PCDHGA4: variants seen among roughly 807,000 people sequenced by gnomAD.
The protein encoded by PCDHGA4 is protocadherin gamma subfamily A, 4, also known as protocadherin gamma-A4.
A neutral mutation model predicts 54.6 loss-of-function variants in PCDHGA4; 38 were observed. The ratio of observed to expected loss-of-function variants is 0.70; its 90% CI spans 0.54 to 0.91. PCDHGA4 has a LOEUF of 0.91. PCDHGA4 is among the 40% of genes least tolerant of loss of function. PCDHGA4 has a pLI of 0.00. For missense variants in PCDHGA4, 1,298 were observed against 1,220.9 expected (o/e 1.06, Z -0.94); for synonymous variants, 511 against 512.9 (o/e 1.00, Z 0.05).
At chr5:141,375,391 A>C in intron 1 of PCDHGA4, 1 of 1,613,938 alleles carries the variant, frequency 6.2e-7, no homozygotes, top group Non-Finnish European at 8.5e-7. Flanking sequence ...CTACAGAAAC[A>C]ATCATCTCTC....
At chr5:141,409,614 T>C in intron 1 of PCDHGA4, 1 of 1,613,880 alleles carries the variant, frequency 6.2e-7, no homozygotes, top group Non-Finnish European at 8.5e-7. Flanking sequence ...GGAGCCTCCA[T>C]TGCGCAAGTG....
intron 1 of PCDHGA4, chr5:141,371,174 C>A: frequency 6.2e-7 from 1 of 1,613,994 alleles, no homozygotes; most frequent in South Asian, 1.1e-5. Context: ...CTGGCTCCTC[C>A]GTATTAAAAG....
At chr5:141,404,819 A>G in intron 1 of PCDHGA4, 1 of 1,608,430 alleles carries the variant, frequency 6.2e-7, no homozygotes, top group South Asian at 1.1e-5. Flanking sequence ...GGGGCTGCAC[A>G]CAGGTGAAGT....
chr5:141,399,691 C>T (rs2093867392), intron 1 of PCDHGA4: 1 of 1,613,362 alleles, frequency 6.2e-7, no homozygotes, highest in Admixed American at 1.7e-5. Flanking sequence ...CGAGCAGCTG[C>T]GCACCTTCGA....
intron 1 of PCDHGA4, chr5:141,374,632 A>T: frequency 1.2e-6 from 2 of 1,613,162 alleles, no homozygotes; most frequent in Non-Finnish European, 1.7e-6. Context: ...TGGACGTGCA[A>T]AGCGAAGCCC....
At position 141,476,746 on chromosome 5, in the gene PCDHGA4, C is replaced by A; in HGVS notation, c.2515-18061C>A. 1 of 1,614,068 alleles carries A rather than the reference C, an allele frequency of 6.2e-7. No homozygotes were observed. On this transcript the variant is annotated intron_variant, in intron 1 of 3. Transcript: ENST00000571252. The surrounding 1 kb of genome is among the most constrained non-coding windows in gnomAD (Gnocchi z 7.6). ...TGGACCGAGAACGGGAGCCTAGTCT[C>A]CAGTTAGTGCTGACGGCGTTGGACG...
chr5:141,460,995 A>ATG lies in PCDHGA4; in HGVS notation c.2515-33808_2515-33807dup, dbSNP rs1561986931. Among the ~76,000 whole-genome samples the ATG allele has an allele frequency of 5.3e-5, 8 of 150,188 alleles. No homozygotes were observed. The East Asian group carries it at 1.4e-3, about 26-fold the overall frequency. On this transcript the variant is annotated intron_variant, in intron 1 of 3. Transcript: ENST00000571252. ...TGTGTGTGTGTGTGTATATATATAT[A>ATG]TGTGTATATATATATACCACATTTT...
chr5:141,447,538 T>C (rs954291961), intron 1 of PCDHGA4, among the ~76,000 whole-genome samples: 4 of 152,204 alleles, frequency 2.6e-5, no homozygotes, highest in Admixed American at 2.6e-4. Context: ...TTGTTGGGTT[T>C]TAATGTTATG....
intron 1 of PCDHGA4, among the ~76,000 whole-genome samples, chr5:141,453,216 C>T (rs565229516): frequency 8.5e-5 from 13 of 152,080 alleles, no homozygotes; most frequent in Non-Finnish European, 1.0e-4. Context: ...TGCACTTAAG[C>T]GATCCTCCCA....
intron 1 of PCDHGA4, among the ~76,000 whole-genome samples, chr5:141,482,498 T>G (rs1226516612): frequency 1.5e-5 from 2 of 135,390 alleles, no homozygotes; most frequent in African/African-American, 3.0e-5. Context: ...GTTATCATTC[T>G]GGTACCCAGA....
intron 1 of PCDHGA4, among the ~76,000 whole-genome samples, chr5:141,480,949 G>A (rs949853273): frequency 2.0e-4 from 30 of 152,136 alleles, no homozygotes; most frequent in African/African-American, 4.6e-4. Flanking sequence ...AGAGGCTGAG[G>A]CGGAAGCATC....
At chr5:141,372,149 C>T in intron 1 of PCDHGA4, 2 of 1,613,782 alleles carry the variant, frequency 1.2e-6, no homozygotes, top group Non-Finnish European at 1.7e-6. Context: ...CAGAGCCTGG[C>T]TACCTGGTGA....
intron 1 of PCDHGA4, chr5:141,413,040 C>G: frequency 1.2e-6 from 1 of 840,546 alleles, no homozygotes; most frequent in Non-Finnish European, 1.8e-6. Flanking sequence ...GGCTGCTGGG[C>G]TGCAGGGAAG....
intron 1 of PCDHGA4, chr5:141,394,160 T>G (rs749389529): frequency 1.7e-5 from 27 of 1,613,534 alleles, no homozygotes; most frequent in Non-Finnish European, 2.3e-5. Flanking sequence ...ACGACAACCC[T>G]CCTACTTTCC....
intron 1 of PCDHGA4, chr5:141,428,184 C>G: frequency 6.8e-7 from 1 of 1,463,674 alleles, no homozygotes; most frequent in Middle Eastern, 1.7e-4. Flanking sequence ...GGAGGACAGC[C>G]GCCGCTCTCT....
chr5:141,356,829 C>T lies in PCDHGA4; in HGVS notation c.1722C>T (p.Ser574=). 2 of 1,614,168 alleles carry T rather than the reference C, an allele frequency of 1.2e-6. No individual in the cohort carries two copies. The highest frequency in any genetic ancestry group is 1.7e-6 in the Non-Finnish European group (2 of 1,179,990). ...GTGACAGTGGAGACCCTCCACTCAGCAGCAATGTGTCACTGAGCCTCTTTG... is the reference window on the plus strand; with the variant it reads ...GTGACAGTGGAGACCCTCCACTCAGTAGCAATGTGTCACTGAGCCTCTTTG... ...TASDSGDPPL[S]SNVSLSLFVL... is the part of the protein sequence containing the mutation. Residue 574 remains serine (S), a synonymous_variant, in exon 1 of 4, where the codon AGC becomes AGT. Coordinates refer to ENST00000571252, the MANE Select transcript of PCDHGA4 (RefSeq NM_018917.4).
intron 2 of PCDHGA4, among the ~76,000 whole-genome samples, chr5:141,503,324 C>T (rs1389385473): frequency 7.9e-5 from 12 of 152,014 alleles, no homozygotes; most frequent in South Asian, 2.1e-4. Context: ...TGGAGGGGCG[C>T]GGTGGCTCAC....
At position 141,393,231 on chromosome 5, in the gene PCDHGA4, G is replaced by A. The variant is rs1309107381; in HGVS notation, c.2514+35610G>A. On this transcript the variant is annotated intron_variant, in intron 1 of 3. Transcript: ENST00000571252. Reference sequence around the variant, plus strand: ...AAAATTCCAGGTCGAAGATCTAGAAGTAAAAATTAACGAAATCGCGGTTCC... The same window carrying A: ...AAAATTCCAGGTCGAAGATCTAGAAATAAAAATTAACGAAATCGCGGTTCC... 2.5e-6 allele frequency: 4 copies of A among 1,613,738 alleles called. 1 individual carries two copies. In the South Asian group the frequency reaches 4.4e-5, roughly 18 times the overall value.
In PCDHGA4 at chr5:141,366,239, G is replaced by C. The variant is rs765141853; in HGVS notation, c.2514+8618G>C. On this transcript the variant is annotated intron_variant, in intron 1 of 3. Coordinates refer to ENST00000571252, the MANE Select transcript of PCDHGA4 (RefSeq NM_018917.4). ...AGCGCGAGCCCTGCTGGACAGAGAC[G>C]CGCTCAAGCAGAGCCTCGTGGTGGC... 6 of 1,613,776 alleles carry C rather than the reference G, an allele frequency of 3.7e-6. No individual in the cohort carries two copies. The Admixed American group carries it at 8.3e-5, about 22-fold the overall frequency.
Sources: gnomAD v4.1 joint callset for allele counts (sites outside exome capture counted in the v4.1 genomes callset) on GRCh38, gnomAD v4.1.1 for gene constraint, Gnocchi (gnomAD v3.1) non-coding constraint, MANE v1.5 for transcripts, NCBI Gene and HGNC (gene_info 2026-07-23, HGNC 2026-07-21) for gene names.